Variants in ARHGEF28 observed in about 807,000 individuals in gnomAD.
ARHGEF28 encodes 190 kDa guanine nucleotide exchange factor.
A neutral mutation model predicts 206.6 loss-of-function variants in ARHGEF28; 152 were observed. The ratio of observed to expected loss-of-function variants is 0.74; its 90% CI spans 0.64 to 0.84. ARHGEF28 has a LOEUF of 0.84. Ranked by LOEUF, ARHGEF28 falls within the 40% of genes least tolerant of loss-of-function variation. ARHGEF28 has a pLI of 0.00. For missense variants in ARHGEF28, 2,028 were observed against 2,073.2 expected (o/e 0.98, Z 0.42); for synonymous variants, 763 against 776.4 (o/e 0.98, Z 0.29).
chr5:73,690,295 C>T (rs1580486109), intron 2 of ARHGEF28, among the ~76,000 whole-genome samples: 1 of 152,052 alleles, frequency 6.6e-6, no homozygotes, highest in East Asian at 1.9e-4. Context: ...TTTTTGATTA[C>T]ATTTTATATT....
intron 21 of ARHGEF28, among the ~76,000 whole-genome samples, 173 bp downstream of exon 21, chr5:73,870,382 G>T (rs1041191292): frequency 6.6e-6 from 1 of 152,124 alleles, no homozygotes; most frequent in African/African-American, 2.4e-5. Context: ...TCTGTAAAAT[G>T]AGGATAATAT....
intron 2 of ARHGEF28, among the ~76,000 whole-genome samples, chr5:73,726,367 C>G (rs1353285524): frequency 6.6e-6 from 1 of 152,162 alleles, no homozygotes; most frequent in East Asian, 1.9e-4. Context: ...CATGTTTTAT[C>G]TAAAACCAAG....
At chr5:73,627,224 TCTC>T (rs1203348859) in intron 1 of ARHGEF28, 1 of 152,104 alleles carries the variant, frequency 6.6e-6, no homozygotes, top group Non-Finnish European at 1.5e-5. Flanking sequence ...TATCCACACA[TCTC>T]CTCACACCAG....
chr5:73,721,409 C>T (rs564965884), intron 2 of ARHGEF28, among the ~76,000 whole-genome samples: 10 of 152,152 alleles, frequency 6.6e-5, no homozygotes, highest in Admixed American at 3.9e-4. Context: ...CTACTTAGAT[C>T]CTGTTGAATG....
intron 1 of ARHGEF28, among the ~76,000 whole-genome samples, chr5:73,681,025 G>A (rs1025298518): frequency 1.3e-5 from 2 of 150,878 alleles, no homozygotes; most frequent in Admixed American, 6.6e-5. Flanking sequence ...TTAGTTTGCT[G>A]CTTTATTTCT....
At chr5:73,736,437 C>T (rs1750939654) in intron 2 of ARHGEF28, among the ~76,000 whole-genome samples, 1 of 152,124 alleles carries the variant, frequency 6.6e-6, no homozygotes, top group African/African-American at 2.4e-5. Flanking sequence ...TCTCTTTCCT[C>T]ATCTATAAAA....
At chr5:73,767,021 G>C (rs1752934751) in intron 4 of ARHGEF28, among the ~76,000 whole-genome samples, 1 of 152,166 alleles carries the variant, frequency 6.6e-6, no homozygotes, top group Non-Finnish European at 1.5e-5. Flanking sequence ...ACTCATGATA[G>C]TGAATGAGTC....
intron 20 of ARHGEF28, among the ~76,000 whole-genome samples, chr5:73,868,680 T>A (rs748316132): frequency 6.6e-6 from 1 of 152,222 alleles, no homozygotes; most frequent in Non-Finnish European, 1.5e-5. Context: ...GGAGTCTCAC[T>A]CTGTTGCCCA....
At chr5:73,880,064 C>T (rs959047268) in intron 22 of ARHGEF28, among the ~76,000 whole-genome samples, 1 of 152,240 alleles carries the variant, frequency 6.6e-6, no homozygotes. Flanking sequence ...CCTCCTTGAG[C>T]TGTGGTGGGC....
chr5:73,789,795 T>C (rs1265434980), intron 7 of ARHGEF28, among the ~76,000 whole-genome samples: 6 of 152,148 alleles, frequency 3.9e-5, no homozygotes, highest in Non-Finnish European at 5.9e-5. Context: ...AGATAGATGC[T>C]GCACACACAC....
intron 1 of ARHGEF28, among the ~76,000 whole-genome samples, chr5:73,657,108 G>C (rs1745261743): frequency 6.8e-6 from 1 of 146,504 alleles, no homozygotes; most frequent in South Asian, 2.2e-4. Flanking sequence ...GGGAGGCAGA[G>C]TTTGCAGTGA....
At chr5:73,777,194 G>C (rs539225125) in intron 6 of ARHGEF28, among the ~76,000 whole-genome samples, 1 of 151,796 alleles carries the variant, frequency 6.6e-6, no homozygotes, top group Admixed American at 6.5e-5. Flanking sequence ...CCCCACCTTT[G>C]GGTGCTATCA....
At chr5:73,783,023 C>A (rs1437657999) in intron 7 of ARHGEF28, among the ~76,000 whole-genome samples, 1 of 151,960 alleles carries the variant, frequency 6.6e-6, no homozygotes, top group African/African-American at 2.4e-5. Flanking sequence ...TGTATTCTAC[C>A]TTCAAATTAA....
intron 2 of ARHGEF28, among the ~76,000 whole-genome samples, chr5:73,741,788 A>G (rs1751450039): frequency 6.6e-6 from 1 of 152,152 alleles, no homozygotes; most frequent in Non-Finnish European, 1.5e-5. Flanking sequence ...TTTTACAAAT[A>G]TTAATATATG....
At chr5:73,742,819 A>G (rs1413977122) in intron 2 of ARHGEF28, among the ~76,000 whole-genome samples, 1 of 144,108 alleles carries the variant, frequency 6.9e-6, no homozygotes, top group Non-Finnish European at 1.5e-5. Flanking sequence ...CGACAGAGCG[A>G]GACTCCGTCT....
chr5:73,794,475 T>G, intron 8 of ARHGEF28, 21 bp downstream of exon 8: 1 of 1,565,218 alleles, frequency 6.4e-7, no homozygotes, highest in Non-Finnish European at 8.7e-7. Context: ...ACTCCCTGCT[T>G]CTTTCTTTGC....
chr5:73,919,408 C>G (rs1287309882), intron 35 of ARHGEF28, among the ~76,000 whole-genome samples: 3 of 152,188 alleles, frequency 2.0e-5, no homozygotes, highest in Non-Finnish European at 4.4e-5. Context: ...TCTGATAGCA[C>G]AGCGTTTTGC....
intron 22 of ARHGEF28, among the ~76,000 whole-genome samples, chr5:73,877,884 A>C (rs1760633147): frequency 6.6e-6 from 1 of 152,176 alleles, no homozygotes; most frequent in South Asian, 2.1e-4. Flanking sequence ...GGTGTGCTGA[A>C]AAAAATATAT....
At chr5:73,699,137 T>G (rs1748417152) in intron 2 of ARHGEF28, among the ~76,000 whole-genome samples, 1 of 151,998 alleles carries the variant, frequency 6.6e-6, no homozygotes, top group African/African-American at 2.4e-5. Context: ...GCAGCCCTAG[T>G]TTCTCCCCTA....
Sources: gnomAD v4.1 joint callset for allele counts (sites outside exome capture counted in the v4.1 genomes callset) on GRCh38, gnomAD v4.1.1 for gene constraint, MANE v1.5 for transcripts, NCBI Gene and HGNC (gene_info 2026-07-23, HGNC 2026-07-21) for gene names.